Variants in MAGI2 observed in about 807,000 individuals in gnomAD.
MAGI2 encodes membrane-associated guanylate kinase, WW and PDZ domain-containing protein 2.
Under a neutral mutation model 133.3 loss-of-function variants are expected in MAGI2, and 35 were observed. The ratio of observed to expected loss-of-function variants is 0.26; its 90% CI spans 0.20 to 0.35. MAGI2 has a LOEUF of 0.35. MAGI2 is among the 10% of genes least tolerant of loss of function. The probability of loss-of-function intolerance (pLI) is 1.00; values close to 1 mark genes in which losing one functional copy is unlikely to be tolerated. For synonymous variants in MAGI2, 729 were observed against 710.6 expected (o/e 1.03, Z -0.41); for missense variants, 1,636 against 1,863.4 (o/e 0.88, Z 2.25).
At chr7:78,394,877 C>T (rs143049597) in intron 6 of MAGI2, among the ~76,000 whole-genome samples, 2 of 152,264 alleles carry the variant, frequency 1.3e-5, no homozygotes, top group Admixed American at 1.3e-4. Context: ...ACTTATAAAA[C>T]CTACAAGATT....
chr7:79,204,034 T>A (rs1241467248), intron 1 of MAGI2, among the ~76,000 whole-genome samples: 3 of 152,050 alleles, frequency 2.0e-5, no homozygotes, highest in African/African-American at 7.3e-5. Flanking sequence ...ACATTACATG[T>A]ATCACTCCTT....
intron 1 of MAGI2, among the ~76,000 whole-genome samples, chr7:79,230,452 T>C (rs1329340004): frequency 6.6e-6 from 1 of 151,590 alleles, no homozygotes; most frequent in African/African-American, 2.4e-5. Context: ...CTCCAGCACC[T>C]GTTGTTTCCT....
intron 6 of MAGI2, among the ~76,000 whole-genome samples, chr7:78,411,089 A>T (rs41483046): frequency 0.026 from 3,903 of 152,166 alleles, 156 homozygotes; most frequent in African/African-American, 0.088. Context: ...TAAGCATTTC[A>T]GTAAAGAGAA....
chr7:78,060,125 C>T (rs1043267976), intron 21 of MAGI2, among the ~76,000 whole-genome samples: 2 of 152,090 alleles, frequency 1.3e-5, no homozygotes, highest in African/African-American at 2.4e-5. Context: ...CTTAGATGAA[C>T]CAGAAGCAAC....
At chr7:78,968,903 G>T (rs1429056011) in intron 2 of MAGI2, among the ~76,000 whole-genome samples, 8 of 152,070 alleles carry the variant, frequency 5.3e-5, no homozygotes, top group African/African-American at 1.9e-4. Flanking sequence ...TTATTTTGCA[G>T]TTAGAAAGAG....
intron 4 of MAGI2, among the ~76,000 whole-genome samples, chr7:78,513,417 A>G (rs1179984063): frequency 2.0e-5 from 3 of 152,230 alleles, no homozygotes; most frequent in Non-Finnish European, 2.9e-5. Context: ...GTCCTCAGCC[A>G]GAAATAACTA....
chr7:79,441,335 G>A (rs866071130), intron 1 of MAGI2, among the ~76,000 whole-genome samples: 2 of 152,160 alleles, frequency 1.3e-5, no homozygotes, highest in Non-Finnish European at 1.5e-5. Context: ...CTGAAGCAAA[G>A]CATCTCCTTA....
intron 16 of MAGI2, among the ~76,000 whole-genome samples, chr7:78,154,107 T>C (rs1409622984): frequency 6.6e-6 from 1 of 152,228 alleles, no homozygotes; most frequent in African/African-American, 2.4e-5. Flanking sequence ...TTCATCCCTT[T>C]TAGGAACCAT....
intron 21 of MAGI2, among the ~76,000 whole-genome samples, chr7:78,070,212 T>TAC (rs1222332535): frequency 1.8e-5 from 1 of 56,468 alleles, no homozygotes; most frequent in African/African-American, 4.7e-5. Context: ...TATATATATA[T>TAC]ATATATACAC....
At chr7:78,409,833 A>C (rs747949221) in intron 6 of MAGI2, among the ~76,000 whole-genome samples, 27 of 152,268 alleles carry the variant, frequency 1.8e-4, no homozygotes, top group Non-Finnish European at 3.7e-4. Flanking sequence ...TCCTAATAAA[A>C]GAACTAAATT....
At chr7:78,025,877 T>C (rs1808862473) in intron 21 of MAGI2, among the ~76,000 whole-genome samples, 1 of 152,216 alleles carries the variant, frequency 6.6e-6, no homozygotes, top group South Asian at 2.1e-4. Context: ...TTTATGGATG[T>C]TCTTTCCCGT....
intron 2 of MAGI2, among the ~76,000 whole-genome samples, chr7:78,723,924 TGAG>T (rs764874655): frequency 2.1e-4 from 32 of 151,932 alleles, no homozygotes; most frequent in Non-Finnish European, 4.0e-4. Context: ...GGAATAACAT[TGAG>T]GAGTGTCTAC....
chr7:79,074,843 A>G (rs1815323394), intron 1 of MAGI2, among the ~76,000 whole-genome samples: 1 of 152,224 alleles, frequency 6.6e-6, no homozygotes, highest in African/African-American at 2.4e-5. Flanking sequence ...GGGTGAATTC[A>G]GCTACGATAT....
chr7:78,667,973 T>G (rs1469232878), intron 2 of MAGI2, among the ~76,000 whole-genome samples: 3 of 152,156 alleles, frequency 2.0e-5, no homozygotes, highest in Non-Finnish European at 2.9e-5. Flanking sequence ...TACACTGACT[T>G]CCACAATGGT....
At chr7:79,198,296 G>A (rs1364265488) in intron 1 of MAGI2, among the ~76,000 whole-genome samples, 1 of 151,560 alleles carries the variant, frequency 6.6e-6, no homozygotes, top group Non-Finnish European at 1.5e-5. Flanking sequence ...ACCACAGCAA[G>A]GGCCTTGAAA....
intron 2 of MAGI2, among the ~76,000 whole-genome samples, chr7:78,640,025 G>A (rs1459570731): frequency 2.0e-5 from 3 of 152,036 alleles, no homozygotes; most frequent in Non-Finnish European, 4.4e-5. Flanking sequence ...TTTAGTATTC[G>A]ACACACAACC....
At chr7:78,161,072 G>C (rs56023696) in intron 15 of MAGI2, among the ~76,000 whole-genome samples, 1 of 151,950 alleles carries the variant, frequency 6.6e-6, no homozygotes, top group Non-Finnish European at 1.5e-5. Context: ...CTAATTTCAG[G>C]CTCTGAAATT....
At chr7:79,344,520 G>T (rs975130902) in intron 1 of MAGI2, among the ~76,000 whole-genome samples, 8 of 152,036 alleles carry the variant, frequency 5.3e-5, no homozygotes, top group Non-Finnish European at 8.8e-5. Flanking sequence ...AGGTTTACAG[G>T]CCACATAAAA....
Position 79,069,410 on chromosome 7 carries a change from A to G in MAGI2, c.302-62204T>C, listed in dbSNP as rs565150085. 8.5e-5 allele frequency among the ~76,000 whole-genome samples: 13 copies of G among 152,298 alleles called. No homozygotes were observed. In the South Asian group the frequency reaches 2.3e-3, roughly 27 times the overall value. On this transcript the variant is annotated intron_variant, in intron 1 of 21. Transcript: ENST00000354212. ...TTTAAAGTCTGTTTTATCAGAGACT[A>G]GGATTGTAACCCCTGCTTTTTTTGC...
Sources: allele counts gnomAD v4.1 joint callset (sites outside exome capture counted in the v4.1 genomes callset), GRCh38; gene constraint gnomAD v4.1.1; transcripts MANE v1.5; gene names NCBI Gene and HGNC (gene_info 2026-07-23, HGNC 2026-07-21).